The following NRXN3 variants were observed in gnomAD, a reference collection of about 807,000 sequenced individuals.
The protein encoded by NRXN3 is neurexin 3.
A neutral mutation model predicts 137.6 loss-of-function variants in NRXN3; 32 were observed. The observed-to-expected ratio is 0.23, with a 90% CI of 0.18 to 0.31. The LOEUF (loss-of-function observed/expected upper bound fraction) is 0.31. NRXN3 is among the 10% of genes least tolerant of loss of function. The probability of loss-of-function intolerance (pLI) is 1.00; values close to 1 mark genes in which losing one functional copy is unlikely to be tolerated. For synonymous variants in NRXN3, 798 were observed against 784.5 expected (o/e 1.02, Z -0.29); for missense variants, 1,574 against 2,062.5 (o/e 0.76, Z 4.59).
intron 16 of NRXN3, among the ~76,000 whole-genome samples, chr14:79,559,797 T>G (rs1415872437): frequency 6.6e-6 from 1 of 152,188 alleles, no homozygotes; most frequent in African/African-American, 2.4e-5. Flanking sequence ...AAGTTTTGTA[T>G]GAAAACAGTA....
Position 78,727,470 on chromosome 14 carries a change from C to T in NRXN3, c.2044+12331C>T, listed in dbSNP as rs556905498. ...CTGTAAAAATGCTTTGGGCCAGGCACGGTGGCTCACGCCTGTAATTCCAGC... is the reference window on the plus strand; with the variant it reads ...CTGTAAAAATGCTTTGGGCCAGGCATGGTGGCTCACGCCTGTAATTCCAGC... On this transcript the variant is annotated intron_variant, in intron 8 of 20. Transcript: ENST00000335750. Among the ~76,000 whole-genome samples, 7 of 152,102 alleles carry T rather than the reference C, an allele frequency of 4.6e-5. No individual in the cohort carries two copies. In the East Asian group the frequency reaches 5.8e-4, roughly 13 times the overall value.
At chr14:78,764,829 C>T (rs1031980843) in intron 8 of NRXN3, among the ~76,000 whole-genome samples, 30 of 152,184 alleles carry the variant, frequency 2.0e-4, no homozygotes, top group African/African-American at 6.5e-4. Context: ...CCTTGCTCAG[C>T]GAGCCACCGT....
chr14:78,476,913 G>A (rs1312525590), intron 4 of NRXN3, among the ~76,000 whole-genome samples: 1 of 152,094 alleles, frequency 6.6e-6, no homozygotes, highest in East Asian at 1.9e-4. Context: ...TTTTGGGCTC[G>A]TATTCAAGAT....
At chr14:78,273,503 C>A (rs191238585) in intron 2 of NRXN3, among the ~76,000 whole-genome samples, 57 of 152,266 alleles carry the variant, frequency 3.7e-4, no homozygotes, top group East Asian at 3.5e-3. Flanking sequence ...ACAGAAGGGA[C>A]GCAGCTGCAG....
intron 10 of NRXN3, among the ~76,000 whole-genome samples, chr14:78,903,687 T>C (rs1337577969): frequency 6.6e-6 from 1 of 152,100 alleles, no homozygotes; most frequent in Non-Finnish European, 1.5e-5. Context: ...TATTTATTAT[T>C]GACTTTACAG....
At chr14:78,701,890 A>C (rs533033968) in intron 6 of NRXN3, among the ~76,000 whole-genome samples, 2 of 152,268 alleles carry the variant, frequency 1.3e-5, no homozygotes, top group East Asian at 1.9e-4. Flanking sequence ...GCAGATCCTG[A>C]CCACTGTTAA....
chr14:79,160,973 A>G (rs2060715568), intron 15 of NRXN3, among the ~76,000 whole-genome samples: 2 of 151,958 alleles, frequency 1.3e-5, no homozygotes, highest in East Asian at 1.9e-4. Flanking sequence ...CAGTGAATCT[A>G]TGGAAAAGGA....
chr14:79,636,475 T>G (rs2098404207), intron 16 of NRXN3, among the ~76,000 whole-genome samples: 1 of 152,158 alleles, frequency 6.6e-6, no homozygotes, highest in Non-Finnish European at 1.5e-5. Context: ...CTGTGATAAT[T>G]TTTGTGTCAC....
At chr14:78,308,397 A>T (rs1038112299) in intron 4 of NRXN3, among the ~76,000 whole-genome samples, 1 of 152,158 alleles carries the variant, frequency 6.6e-6, no homozygotes, top group Non-Finnish European at 1.5e-5. Context: ...TCAAGACCAT[A>T]GAACTGAAAG....
At chr14:78,197,153 GAA>G (rs1223313380) in intron 1 of NRXN3, among the ~76,000 whole-genome samples, 5 of 152,344 alleles carry the variant, frequency 3.3e-5, no homozygotes, top group African/African-American at 1.2e-4. Context: ...GTGGCTCTGT[GAA>G]TACCAACGCC....
At chr14:78,288,914 G>A (rs1203785006) in intron 3 of NRXN3, among the ~76,000 whole-genome samples, 1 of 152,212 alleles carries the variant, frequency 6.6e-6, no homozygotes, top group East Asian at 1.9e-4. Flanking sequence ...TTTCTGTTCA[G>A]TCCAGCCACC....
Position 78,199,721 on chromosome 14 carries a change from A to G in NRXN3, c.-704+29047A>G, listed in dbSNP as rs577358815. On this transcript the variant is annotated intron_variant, in intron 1 of 20. Coordinates refer to ENST00000335750, the MANE Select transcript of NRXN3 (RefSeq NM_001330195.2). ...CAATTGGGGTTTGTTTCCTGGCTCTATCTGTGCCCCAGTGAACAAACCAGT... is the reference window on the plus strand; with the variant it reads ...CAATTGGGGTTTGTTTCCTGGCTCTGTCTGTGCCCCAGTGAACAAACCAGT... Among the ~76,000 whole-genome samples, 5 of 152,252 alleles carry G rather than the reference A, an allele frequency of 3.3e-5. No homozygotes were observed. In the East Asian group the frequency reaches 5.8e-4, roughly 18 times the overall value.
At chr14:78,252,061 C>T (rs1362226343) in intron 2 of NRXN3, among the ~76,000 whole-genome samples, 6 of 152,174 alleles carry the variant, frequency 3.9e-5, no homozygotes, top group South Asian at 2.1e-4. Flanking sequence ...AAAAACAATA[C>T]GGGACTCCCT....
chr14:78,730,988 T>C (rs2152899718), intron 8 of NRXN3, among the ~76,000 whole-genome samples: 1 of 152,314 alleles, frequency 6.6e-6, no homozygotes, highest in Non-Finnish European at 1.5e-5. Flanking sequence ...TTTTTCCCCT[T>C]TCTTCCTCCC....
At chr14:79,373,367 G>C (rs1458348575) in intron 15 of NRXN3, among the ~76,000 whole-genome samples, 1 of 152,102 alleles carries the variant, frequency 6.6e-6, no homozygotes, top group Non-Finnish European at 1.5e-5. Context: ...TATTTGACTG[G>C]GCTGGTTGGT....
intron 15 of NRXN3, among the ~76,000 whole-genome samples, chr14:79,122,620 C>T (rs891543948): frequency 1.3e-5 from 2 of 152,170 alleles, no homozygotes; most frequent in African/African-American, 4.8e-5. Context: ...TAAGTGGGTA[C>T]AGTAGAAAGA....
At chr14:78,993,622 T>C (rs962825261) in intron 15 of NRXN3, among the ~76,000 whole-genome samples, 8 of 152,168 alleles carry the variant, frequency 5.3e-5, no homozygotes, top group Admixed American at 4.6e-4. Context: ...CAAACATTTC[T>C]TATTTGCAGA....
At chr14:78,773,019 A>G (rs1234539551) in intron 8 of NRXN3, among the ~76,000 whole-genome samples, 1 of 152,148 alleles carries the variant, frequency 6.6e-6, no homozygotes, top group Non-Finnish European at 1.5e-5. Flanking sequence ...TCTCATAAGC[A>G]TAAAGTCCCG....
At chr14:78,813,270 A>T (rs1034930231) in intron 10 of NRXN3, among the ~76,000 whole-genome samples, 5 of 152,218 alleles carry the variant, frequency 3.3e-5, no homozygotes, top group African/African-American at 1.2e-4. Context: ...AAGGGCCTAC[A>T]TGATCCGAAC....
Sources: gnomAD v4.1 joint callset for allele counts (sites outside exome capture counted in the v4.1 genomes callset) on GRCh38, gnomAD v4.1.1 for gene constraint, MANE v1.5 for transcripts, NCBI Gene and HGNC (gene_info 2026-07-23, HGNC 2026-07-21) for gene names.